The following ENOX2 variants were observed in gnomAD, a reference collection of about 807,000 sequenced individuals.
ENOX2 encodes the protein ecto-NOX disulfide-thiol exchanger 2, also known as APK1 antigen.
A neutral mutation model predicts 45.0 loss-of-function variants in ENOX2; 36 were observed. The ratio of observed to expected loss-of-function variants is 0.80; its 90% CI spans 0.61 to 1.06. The LOEUF (loss-of-function observed/expected upper bound fraction) is 1.06, where lower values mean the gene tolerates loss of function less well. ENOX2 is among the 50% of genes least tolerant of loss of function. ENOX2 has a pLI of 0.00. For synonymous variants in ENOX2, 174 were observed against 152.3 expected (o/e 1.14, Z -1.05); for missense variants, 423 against 462.5 (o/e 0.91, Z 0.78).
In ENOX2 at chrX:130,844,662, T is replaced by C. The variant is rs140799521; in HGVS notation, c.-183+57022A>G. 6.2e-5 allele frequency among the ~76,000 whole-genome samples: 7 copies of C among 112,083 alleles called. No homozygotes were observed. The East Asian group carries it at 1.7e-3, about 27-fold the overall frequency. On this transcript the variant is annotated intron_variant, in intron 2 of 14. Transcript: ENST00000394363. The stretch of plus-strand genomic sequence containing the variant: ...CTTGAAAAAGCTGAATCGCAGTAAC[T>C]TGACACAGTTTTTTGGAATAAGGCT...
chrX:130,898,613 C>T (rs2079096999), intron 2 of ENOX2, among the ~76,000 whole-genome samples: 2 of 110,933 alleles, frequency 1.8e-5, no homozygotes, highest in Non-Finnish European at 3.8e-5. Context: ...CAATTTTCCA[C>T]ATCATTAAAT....
chrX:130,792,580 G>A (rs2148413777), intron 2 of ENOX2, among the ~76,000 whole-genome samples: 1 of 111,579 alleles, frequency 9.0e-6, no homozygotes, highest in Non-Finnish European at 1.9e-5. Flanking sequence ...GGATCACGAG[G>A]TCGGGAGTTC....
chrX:130,633,207 T>C (rs1478785329), intron 12 of ENOX2, among the ~76,000 whole-genome samples: 2 of 111,779 alleles, frequency 1.8e-5, no homozygotes, highest in Non-Finnish European at 3.8e-5. Flanking sequence ...ACACTGACAA[T>C]AACTCACCCT....
chrX:130,773,359 T>C (rs1296751546), intron 3 of ENOX2, among the ~76,000 whole-genome samples: 1 of 111,874 alleles, frequency 8.9e-6, no homozygotes, highest in Non-Finnish European at 1.9e-5. Context: ...CTCTTTCAAA[T>C]CTGCTTATAC....
intron 3 of ENOX2, among the ~76,000 whole-genome samples, chrX:130,778,291 C>T (rs1282347463): frequency 8.9e-6 from 1 of 111,909 alleles, no homozygotes; most frequent in Admixed American, 9.5e-5. Flanking sequence ...TTCTGATAAC[C>T]CATTCTGATA....
At chrX:130,793,250 T>C (rs190355849) in intron 2 of ENOX2, among the ~76,000 whole-genome samples, 5 of 112,688 alleles carry the variant, frequency 4.4e-5, no homozygotes, top group Admixed American at 1.9e-4. Flanking sequence ...GTCTCAAAAA[T>C]GGAATAAGAA....
At chrX:130,655,210 T>G (rs750341083) in intron 10 of ENOX2, among the ~76,000 whole-genome samples, 23 of 112,696 alleles carry the variant, frequency 2.0e-4, no homozygotes, top group Admixed American at 1.2e-3. Flanking sequence ...CTGAAAATGC[T>G]AGCTAACCAC....
At chrX:130,632,103 C>G (rs6654615) in intron 12 of ENOX2, among the ~76,000 whole-genome samples, 2 of 111,107 alleles carry the variant, frequency 1.8e-5, no homozygotes, top group Non-Finnish European at 3.8e-5. Context: ...GCTACACTGC[C>G]AATCCACTGA....
chrX:130,678,168 A>T (rs1285278811), intron 6 of ENOX2, among the ~76,000 whole-genome samples: 1 of 110,767 alleles, frequency 9.0e-6, no homozygotes, highest in East Asian at 2.8e-4. Context: ...CTAAATCTGA[A>T]TTTTTACTAT....
At chrX:130,885,530 G>A (rs151159324) in intron 2 of ENOX2, among the ~76,000 whole-genome samples, 370 of 112,154 alleles carry the variant, frequency 3.3e-3, no homozygotes, top group African/African-American at 0.011. Context: ...ATTTTTAATA[G>A]AGTAAAACCA....
chrX:130,774,217 A>G (rs1196307867), intron 3 of ENOX2, among the ~76,000 whole-genome samples: 2 of 112,153 alleles, frequency 1.8e-5, no homozygotes, highest in Non-Finnish European at 3.8e-5. Context: ...GTACATGTAT[A>G]ATAGTCCTTT....
chrX:130,900,450 A>G (rs923439609), intron 2 of ENOX2, among the ~76,000 whole-genome samples: 16 of 112,183 alleles, frequency 1.4e-4, no homozygotes, highest in Admixed American at 1.4e-3. Flanking sequence ...ATGGGGGCAC[A>G]TTCCAACTTA....
intron 4 of ENOX2, among the ~76,000 whole-genome samples, chrX:130,691,568 T>C (rs1038159276): frequency 1.1e-4 from 12 of 112,575 alleles, no homozygotes; most frequent in African/African-American, 3.9e-4. Flanking sequence ...TGATTTCTCA[T>C]GCAGAAGATT....
chrX:130,673,540 G>A (rs190312203), intron 6 of ENOX2, among the ~76,000 whole-genome samples: 1 of 107,946 alleles, frequency 9.3e-6, no homozygotes, highest in African/African-American at 3.4e-5. Flanking sequence ...AAATACAGTC[G>A]GAAGCTTTAA....
chrX:130,629,613 G>A (rs1394949769), intron 13 of ENOX2, among the ~76,000 whole-genome samples: 1 of 112,240 alleles, frequency 8.9e-6, no homozygotes, highest in Non-Finnish European at 1.9e-5. Flanking sequence ...AAGATTCAAT[G>A]GCAGGTCCCC....
intron 3 of ENOX2, among the ~76,000 whole-genome samples, chrX:130,745,522 G>C (rs2039079605): frequency 8.9e-6 from 1 of 112,062 alleles, no homozygotes; most frequent in Non-Finnish European, 1.9e-5. Context: ...CTTGACTTTA[G>C]GATCAGAACA....
chrX:130,719,996 C>CT (rs2038434431), intron 3 of ENOX2, among the ~76,000 whole-genome samples: 2 of 112,364 alleles, frequency 1.8e-5, no homozygotes, highest in Admixed American at 1.9e-4. Context: ...ATGTGTACAA[C>CT]TATGTTCTGA....
intron 4 of ENOX2, among the ~76,000 whole-genome samples, chrX:130,701,843 A>G (rs868334622): frequency 3.6e-5 from 4 of 112,231 alleles, no homozygotes; most frequent in Non-Finnish European, 7.5e-5. Context: ...TTGGTTGTTC[A>G]TTTCAATTGT....
At chrX:130,867,075 AC>A (rs1425465328) in intron 2 of ENOX2, among the ~76,000 whole-genome samples, 1 of 111,662 alleles carries the variant, frequency 9.0e-6, no homozygotes, top group African/African-American at 3.2e-5. Context: ...AACAGAAATA[AC>A]ATGTTTACAA....
Sources: allele counts gnomAD v4.1 joint callset (sites outside exome capture counted in the v4.1 genomes callset), GRCh38; gene constraint gnomAD v4.1.1; transcripts MANE v1.5; gene names NCBI Gene and HGNC (gene_info 2026-07-23, HGNC 2026-07-21).